NAPEPLD: variants seen among roughly 807,000 people sequenced by gnomAD.
The protein encoded by NAPEPLD is N-acyl-phosphatidylethanolamine-hydrolyzing phospholipase D.
A neutral mutation model predicts 38.1 loss-of-function variants in NAPEPLD; 23 were observed. That is an observed-to-expected ratio of 0.60 (90% CI 0.43 to 0.86). The LOEUF is 0.86. Ranked by LOEUF, NAPEPLD falls within the 40% of genes least tolerant of loss-of-function variation. NAPEPLD has a pLI of 0.00. For synonymous variants in NAPEPLD, 147 were observed against 162.0 expected (o/e 0.91, Z 0.71); for missense variants, 411 against 476.8 (o/e 0.86, Z 1.28).
chr7:103,148,455 A>G (rs1414365297), intron 1 of NAPEPLD, among the ~76,000 whole-genome samples: 5 of 126,664 alleles, frequency 3.9e-5, no homozygotes, highest in South Asian at 2.2e-4. Context: ...CTCTAGCTTG[A>G]AAAAAAAAAA....
intron 2 of NAPEPLD, among the ~76,000 whole-genome samples, chr7:103,125,890 AAATAAT>A (rs142799732): frequency 1.5e-4 from 22 of 145,290 alleles, no homozygotes; most frequent in Admixed American, 2.7e-4. Context: ...TCTGTCTCAA[AAATAAT>A]AATAATAATA....
chr7:103,106,021 T>G (rs1803260517), intron 4 of NAPEPLD, among the ~76,000 whole-genome samples: 1 of 151,506 alleles, frequency 6.6e-6, no homozygotes, highest in Non-Finnish European at 1.5e-5. Context: ...GTGGGTGATT[T>G]CTGCATTTCC....
chr7:103,125,178 T>TA (rs1807504759), intron 2 of NAPEPLD, among the ~76,000 whole-genome samples: 1 of 152,326 alleles, frequency 6.6e-6, no homozygotes, highest in East Asian at 1.9e-4. Context: ...TTTTTTAAAT[T>TA]AAAAAATAAC....
intron 1 of NAPEPLD, chr7:103,147,951 G>A: frequency 1.0e-6 from 1 of 971,340 alleles, no homozygotes; most frequent in Middle Eastern, 5.3e-4. Flanking sequence ...TTTTAAATAA[G>A]TACTTTTACC....
chr7:103,105,708 G>A (rs10808126), intron 4 of NAPEPLD, among the ~76,000 whole-genome samples: 133,211 of 152,134 alleles, frequency 0.88, 61,046 homozygotes, highest in East Asian at 1. Flanking sequence ...TGAAGCGGAC[G>A]GATCACCTGA....
chr7:103,143,995 A>G (rs988558265), intron 1 of NAPEPLD, among the ~76,000 whole-genome samples: 8 of 152,240 alleles, frequency 5.3e-5, no homozygotes, highest in African/African-American at 1.9e-4. Context: ...TTTATCATTT[A>G]CTAAGCATTT....
chr7:103,103,554 G>A lies in NAPEPLD; in HGVS notation c.1057C>T (p.His353Tyr). ...AGCTTCACTGGAGGCTCTAAGTAAT[G>A]CTGGCCAAAGAGAAAGAAGAAAAAT... ...HWGTFALANEHYLEPPVKLNE... is the reference protein window; with the variant it reads ...HWGTFALANEYYLEPPVKLNE... Residue 353 changes from histidine (H) to tyrosine (Y), a missense_variant and splice_region_variant, in exon 5 of 5, where the codon CAT becomes TAT. By Grantham distance (83) the His-to-Tyr change is moderately conservative. Coordinates refer to ENST00000465647, the MANE Select transcript of NAPEPLD (RefSeq NM_001122838.3). The A allele has an allele frequency of 6.4e-7, 1 of 1,570,766 alleles. No individual in the cohort carries two copies. The highest frequency in any genetic ancestry group is 2.1e-5 in the Admixed American group (1 of 46,682).
chr7:103,130,722 A>G (rs1444080466), intron 1 of NAPEPLD, among the ~76,000 whole-genome samples: 1 of 152,116 alleles, frequency 6.6e-6, no homozygotes, highest in Admixed American at 6.5e-5. Context: ...CAGCCTCCCA[A>G]GTAGCTGGGA....
At chr7:103,136,690 T>C (rs1020422126) in intron 1 of NAPEPLD, among the ~76,000 whole-genome samples, 10 of 152,144 alleles carry the variant, frequency 6.6e-5, no homozygotes, top group Admixed American at 5.9e-4. Flanking sequence ...TAAAACATTC[T>C]AGAATTTCAT....
chr7:103,120,275 A>G (rs1974715), intron 2 of NAPEPLD, 52 bp from the exon 3 acceptor site: 1,511,414 of 1,548,546 alleles, frequency 0.98, 744,382 homozygotes, highest in East Asian at 1. Context: ...AAAAAGTATT[A>G]TATCATCATA....
At chr7:103,136,185 T>G (rs993408325) in intron 1 of NAPEPLD, among the ~76,000 whole-genome samples, 3 of 151,798 alleles carry the variant, frequency 2.0e-5, no homozygotes, top group East Asian at 1.9e-4. Flanking sequence ...GAGAATCACT[T>G]AAACCCAGGC....
intron 2 of NAPEPLD, chr7:103,126,681 A>ACTGCAACCTTTGCCTCC (rs1445410033): frequency 2.6e-5 from 4 of 152,004 alleles, no homozygotes; most frequent in African/African-American, 9.7e-5. Flanking sequence ...ATCTTGGCTC[A>ACTGCAACCTTTGCCTCC]CTGCAACCTT....
chr7:103,130,366 C>T (rs1268870786), intron 1 of NAPEPLD, among the ~76,000 whole-genome samples: 1 of 152,202 alleles, frequency 6.6e-6, no homozygotes, highest in Non-Finnish European at 1.5e-5. Flanking sequence ...GCTCAGCCAT[C>T]GCTGTATGTG....
chr7:103,130,888 T>G (rs1449757355), intron 1 of NAPEPLD, among the ~76,000 whole-genome samples: 1 of 152,178 alleles, frequency 6.6e-6, no homozygotes, highest in Non-Finnish European at 1.5e-5. Flanking sequence ...CTAAATTCTT[T>G]AAGTTATTCT....
rs753989417 is a variant in NAPEPLD at position 103,128,664 on chromosome 7, C to A, written c.113G>T (p.Arg38Met). 1.2e-6 allele frequency: 2 copies of A among 1,613,984 alleles called. No homozygotes were observed. The highest frequency in any genetic ancestry group is 3.3e-5 in the Admixed American group (2 of 59,996). ...CAGTTTGAAGCTTTTCCTAGAAAAC[C>A]TAGAAGAATCACTTGCTCCGGAATT... is the stretch of plus-strand genomic sequence containing the variant. ...ARNSGASDSS[R>M]FSRKSFKLDY... The change falls in exon 2 of 5, where the codon AGG becomes ATG. Residue 38 changes from arginine to methionine, a missense_variant. Transcript: ENST00000465647.
chr7:103,113,022 T>G (rs1205237917), intron 4 of NAPEPLD, among the ~76,000 whole-genome samples: 2 of 152,192 alleles, frequency 1.3e-5, no homozygotes, highest in Non-Finnish European at 2.9e-5. Context: ...CCCATCTCAG[T>G]AAAGAGCACA....
At chr7:103,135,033 A>C (rs1809746740) in intron 1 of NAPEPLD, among the ~76,000 whole-genome samples, 1 of 152,244 alleles carries the variant, frequency 6.6e-6, no homozygotes, top group East Asian at 1.9e-4. Flanking sequence ...GAAAAAAATC[A>C]CAGTAGTAAA....
chr7:103,138,419 A>C (rs1477161), intron 1 of NAPEPLD, among the ~76,000 whole-genome samples: 138,199 of 151,838 alleles, frequency 0.91, 64,279 homozygotes, highest in East Asian at 1. Context: ...ACACTTTTCA[A>C]TTCTTTCTGA....
chr7:103,116,499 A>G (rs1805606535), intron 3 of NAPEPLD, among the ~76,000 whole-genome samples: 1 of 152,264 alleles, frequency 6.6e-6, no homozygotes, highest in Non-Finnish European at 1.5e-5. Context: ...CCAAAGCTCC[A>G]ATTACAAAAG....
Sources: allele counts gnomAD v4.1 joint callset (sites outside exome capture counted in the v4.1 genomes callset), GRCh38; gene constraint gnomAD v4.1.1; transcripts MANE v1.5; gene names NCBI Gene and HGNC (gene_info 2026-07-23, HGNC 2026-07-21).